FYN: variants seen among roughly 807,000 people sequenced by gnomAD.
The protein encoded by FYN is FYN proto-oncogene, Src family tyrosine kinase, also known as tyrosine-protein kinase Fyn.
Under a neutral mutation model 70.2 loss-of-function variants are expected in FYN, and 10 were observed. The observed-to-expected ratio is 0.14, with a 90% CI of 0.09 to 0.24. The LOEUF is 0.24. Among genes scored for constraint, FYN ranks in the 10% least tolerant of loss-of-function variants. FYN has a pLI of 1.00. For synonymous variants in FYN, 236 were observed against 248.6 expected (o/e 0.95, Z 0.48); for missense variants, 319 against 673.1 (o/e 0.47, Z 5.82).
intron 2 of FYN, among the ~76,000 whole-genome samples, chr6:111,787,457 T>C (rs1222996250): frequency 6.6e-6 from 1 of 152,222 alleles, no homozygotes; most frequent in Non-Finnish European, 1.5e-5. Flanking sequence ...CATGCTGTTT[T>C]GGTTACTTAG....
chr6:111,772,871 T>C (rs1227027149), intron 3 of FYN, among the ~76,000 whole-genome samples: 2 of 151,980 alleles, frequency 1.3e-5, no homozygotes, highest in Admixed American at 1.3e-4. Flanking sequence ...GGAGGTAAGT[T>C]ATAAAATATT....
intron 4 of FYN, among the ~76,000 whole-genome samples, chr6:111,716,473 G>A (rs1800647173): frequency 6.6e-6 from 1 of 152,086 alleles, no homozygotes; most frequent in Admixed American, 6.5e-5. Context: ...GCTGAACGCA[G>A]CACCCTCTGT....
chr6:111,707,717 A>T (rs1360499525), intron 6 of FYN, among the ~76,000 whole-genome samples: 1 of 152,224 alleles, frequency 6.6e-6, no homozygotes, highest in African/African-American at 2.4e-5. Flanking sequence ...TTCTTTCAAA[A>T]TAAGTGAGCA....
At chr6:111,663,832 G>A (rs1318786269) in intron 13 of FYN, among the ~76,000 whole-genome samples, 1 of 151,552 alleles carries the variant, frequency 6.6e-6, no homozygotes, top group Admixed American at 6.6e-5. Context: ...GAAAATGGGG[G>A]ATGGGGGCGG....
chr6:111,667,416 TTTTA>T (rs1357224670), intron 13 of FYN, among the ~76,000 whole-genome samples: 1 of 151,998 alleles, frequency 6.6e-6, no homozygotes, highest in Non-Finnish European at 1.5e-5. Flanking sequence ...TGATTTTTAT[TTTTA>T]TTTATTTTTT....
chr6:111,847,351 A>ACGCTGTG (rs1203653725), intron 1 of FYN, among the ~76,000 whole-genome samples: 1 of 152,192 alleles, frequency 6.6e-6, no homozygotes, highest in Non-Finnish European at 1.5e-5. Context: ...GTTTGCTCAC[A>ACGCTGTG]CGCTGTGCCT....
intron 1 of FYN, among the ~76,000 whole-genome samples, chr6:111,867,399 G>A (rs1422470420): frequency 1.4e-5 from 2 of 146,064 alleles, no homozygotes; most frequent in African/African-American, 5.1e-5. Flanking sequence ...AGGTTGCAGT[G>A]AGCTGAGATC....
chr6:111,793,809 C>T (rs1296199391), intron 2 of FYN: 1 of 152,262 alleles, frequency 6.6e-6, no homozygotes, highest in Non-Finnish European at 1.5e-5. Context: ...GCTGCTCCAC[C>T]TACCACTGAA....
chr6:111,660,786 A>G lies in FYN; in HGVS notation c.*953T>C, dbSNP rs987648951. The G allele has an allele frequency of 6.6e-6, 1 of 152,238 alleles. No homozygotes were observed. The highest frequency in any genetic ancestry group is 1.9e-4 in the East Asian group (1 of 5,200). 9.4% of individuals were successfully genotyped at this position (152,238 alleles called of 1,614,324 possible). On this transcript the variant is annotated 3_prime_UTR_variant, in exon 14 of 14. Transcript: ENST00000354650. ...TTTTAGATCACTTAAATGTGGTTACAGGTTTATTAAATTAAAAATGTCTGA... is the reference window on the plus strand; with the variant it reads ...TTTTAGATCACTTAAATGTGGTTACGGGTTTATTAAATTAAAAATGTCTGA...
rs776638486 is a variant in FYN, at chr6:111,661,723, T to TCCGCAGAC, written c.*8_*15dup. The TCCGCAGAC allele has an allele frequency of 3.1e-6, 5 of 1,608,356 alleles. No individual in the cohort carries two copies. The South Asian group carries it at 5.5e-5, about 18-fold the overall frequency. ...GGCAGCCTCTGGGACAAGGCCTCTC[T>TCCGCAGAC]CCGCAGACCCGGGCCTTACAGGTTT... On this transcript the variant is annotated 3_prime_UTR_variant, in exon 14 of 14. Coordinates refer to ENST00000354650, the MANE Select transcript of FYN (RefSeq NM_002037.5). This position sits in a 1 kb window ranked among gnomAD's most constrained non-coding sequence, Gnocchi z 4.0.
intron 3 of FYN, among the ~76,000 whole-genome samples, chr6:111,745,778 C>T (rs1221329615): frequency 6.6e-6 from 1 of 152,230 alleles, no homozygotes; most frequent in East Asian, 1.9e-4. Context: ...GAACACTTTA[C>T]AAAACATCCT....
intron 3 of FYN, among the ~76,000 whole-genome samples, chr6:111,751,628 CTT>C (rs34223862): frequency 2.0e-5 from 3 of 149,746 alleles, no homozygotes; most frequent in African/African-American, 7.3e-5. Flanking sequence ...CAAATTCTTT[CTT>C]TTTTTTTTTG....
chr6:111,676,714 T>C (rs1414055103), intron 12 of FYN, among the ~76,000 whole-genome samples: 5 of 152,224 alleles, frequency 3.3e-5, no homozygotes, highest in African/African-American at 1.2e-4. Context: ...TCTCTGACCA[T>C]CTCTGAAGTA....
chr6:111,664,223 C>T lies in FYN; in HGVS notation c.1406-2276G>A, dbSNP rs558120355. On this transcript the variant is annotated intron_variant, in intron 13 of 13. Coordinates refer to ENST00000354650, the MANE Select transcript of FYN (RefSeq NM_002037.5). The stretch of plus-strand genomic sequence containing the variant: ...TGACAGAGCTTGGACCAGCAGAAAT[C>T]TCCCTTGTCTCTGTCCCTTCCAGGA... Among the ~76,000 whole-genome samples, 3 of 152,272 alleles carry T rather than the reference C, an allele frequency of 2.0e-5. No individual in the cohort carries two copies. The South Asian group carries it at 6.2e-4, about 32-fold the overall frequency.
chr6:111,815,712 C>CTTTTTT (rs11320954), intron 2 of FYN, among the ~76,000 whole-genome samples: 3 of 140,486 alleles, frequency 2.1e-5, no homozygotes, highest in Non-Finnish European at 1.5e-5. Flanking sequence ...CTGAGTACTT[C>CTTTTTT]TTTTTTTTTT....
At chr6:111,700,686 T>C (rs1348580804) in intron 8 of FYN, among the ~76,000 whole-genome samples, 1 of 152,214 alleles carries the variant, frequency 6.6e-6, no homozygotes, top group African/African-American at 2.4e-5. Flanking sequence ...AAAATATCCT[T>C]ACTAATTTCA....
At chr6:111,840,028 T>C (rs1773310314) in intron 2 of FYN, among the ~76,000 whole-genome samples, 1 of 152,204 alleles carries the variant, frequency 6.6e-6, no homozygotes, top group Non-Finnish European at 1.5e-5. Flanking sequence ...AGGCGTGGCC[T>C]TGCCCGCTCT....
In FYN at chr6:111,694,247, A is replaced by C. The variant is rs3730367; in HGVS notation, c.1273+128T>G. 8.1e-5 allele frequency: 103 copies of C among 1,277,256 alleles called. No homozygotes were observed. Among genetic ancestry groups the C allele is most frequent in the Non-Finnish European group, 1.1e-4 (96 of 910,786 alleles). The allele number at this position is 1,277,256 out of a possible 1,614,324, so 79.1% of individuals were successfully genotyped here. On this transcript the variant is annotated intron_variant, in intron 12 of 13. Transcript: ENST00000354650. This position sits in a 1 kb window ranked among gnomAD's most constrained non-coding sequence, Gnocchi z 5.0. ...AATTCCTGCCAGATCAAGGTGTCCAAACCAAGCTGAAGAATGACATTTCAA... is the reference window on the plus strand; with the variant it reads ...AATTCCTGCCAGATCAAGGTGTCCACACCAAGCTGAAGAATGACATTTCAA...
At chr6:111,682,282 A>C (rs115652587) in intron 12 of FYN, among the ~76,000 whole-genome samples, 2,380 of 152,240 alleles carry the variant, frequency 0.016, 64 homozygotes, top group African/African-American at 0.055. Flanking sequence ...TTCCTTTCAT[A>C]CGACAGCACA....
Sources: gnomAD v4.1 joint callset for allele counts (sites outside exome capture counted in the v4.1 genomes callset) on GRCh38, gnomAD v4.1.1 for gene constraint, Gnocchi (gnomAD v3.1) non-coding constraint, MANE v1.5 for transcripts, NCBI Gene and HGNC (gene_info 2026-07-23, HGNC 2026-07-21) for gene names.